The following GABRB2 variants were observed in gnomAD, a reference collection of about 807,000 sequenced individuals.
The protein encoded by GABRB2 is gamma-aminobutyric acid receptor subunit beta-2.
A neutral mutation model predicts 54.7 loss-of-function variants in GABRB2; 16 were observed. That is an observed-to-expected ratio of 0.29 (90% CI 0.20 to 0.44). GABRB2 has a LOEUF of 0.44. Among genes scored for constraint, GABRB2 ranks in the 20% least tolerant of loss-of-function variants. The probability of loss-of-function intolerance (pLI) is 1.00; values close to 1 mark genes in which losing one functional copy is unlikely to be tolerated. For missense variants in GABRB2, 355 were observed against 644.0 expected (o/e 0.55, Z 4.86); for synonymous variants, 244 against 233.8 (o/e 1.04, Z -0.40).
chr5:161,304,867 A>G lies in GABRB2; in HGVS notation c.1192-10439T>C, dbSNP rs563412384. On this transcript the variant is annotated intron_variant, in intron 9 of 9. Coordinates refer to ENST00000393959, the MANE Select transcript of GABRB2 (RefSeq NM_001371727.1). ...ATTATTTCTGGGTGCCTCTTATTAT[A>G]AAGTACAGGCTACTAGTTTCAATTA... Among the ~76,000 whole-genome samples, 5 of 152,208 alleles carry G rather than the reference A, an allele frequency of 3.3e-5. No individual in the cohort carries two copies. In the East Asian group the frequency reaches 9.6e-4, roughly 29 times the overall value.
At chr5:161,360,081 T>TA (rs11458201) in intron 5 of GABRB2, among the ~76,000 whole-genome samples, 131,103 of 148,736 alleles carry the variant, frequency 0.88, 57,712 homozygotes, top group East Asian at 0.97. Context: ...AGACTCCGTC[T>TA]AAAAAAAAAA....
chr5:161,298,270 T>A (rs562088355), intron 9 of GABRB2, among the ~76,000 whole-genome samples: 11 of 152,352 alleles, frequency 7.2e-5, no homozygotes, highest in African/African-American at 1.9e-4. Flanking sequence ...GTGCAGAAGC[T>A]CTTTAGTTTA....
rs914961180 is a variant in GABRB2 at position 161,442,736 on chromosome 5, T to C, written c.458+16888A>G. Among the ~76,000 whole-genome samples the C allele has an allele frequency of 3.9e-5, 6 of 152,008 alleles. No homozygotes were observed. In the East Asian group the frequency reaches 1.2e-3, roughly 29 times the overall value. On this transcript the variant is annotated intron_variant, in intron 4 of 9. Transcript: ENST00000393959. ...TTTACCCTGCCATTGCATTCCCTCATTCCCTTTTCAATTCTCTCTCTCTCT... is the reference window on the plus strand; with the variant it reads ...TTTACCCTGCCATTGCATTCCCTCACTCCCTTTTCAATTCTCTCTCTCTCT...
chr5:161,393,929 A>C (rs1580946075), intron 5 of GABRB2, among the ~76,000 whole-genome samples: 1 of 152,104 alleles, frequency 6.6e-6, no homozygotes, highest in African/African-American at 2.4e-5. Flanking sequence ...AGTATTAATA[A>C]CCTTCAACTG....
chr5:161,485,680 C>T (rs114878984), intron 3 of GABRB2, among the ~76,000 whole-genome samples: 1,730 of 152,068 alleles, frequency 0.011, 20 homozygotes, highest in Middle Eastern at 0.027. Context: ...CCTACCCCTT[C>T]TAAGGTGTTC....
At chr5:161,365,674 T>C (rs901160390) in intron 5 of GABRB2, among the ~76,000 whole-genome samples, 1 of 152,160 alleles carries the variant, frequency 6.6e-6, no homozygotes, top group African/African-American at 2.4e-5. Flanking sequence ...ATGGAGAGGT[T>C]AAGATATCTG....
intron 5 of GABRB2, among the ~76,000 whole-genome samples, chr5:161,401,927 A>T (rs1438841788): frequency 6.6e-6 from 1 of 152,152 alleles, no homozygotes; most frequent in African/African-American, 2.4e-5. Context: ...CCAGTACGGC[A>T]GCCACTTGTT....
chr5:161,445,762 C>A (rs1448115729), intron 4 of GABRB2, among the ~76,000 whole-genome samples: 1 of 152,070 alleles, frequency 6.6e-6, no homozygotes, highest in East Asian at 1.9e-4. Flanking sequence ...GAAAGCCTCC[C>A]GCTGCCCCAC....
chr5:161,409,735 T>C (rs1032663614), intron 5 of GABRB2, among the ~76,000 whole-genome samples: 58 of 152,298 alleles, frequency 3.8e-4, no homozygotes, highest in African/African-American at 1.3e-3. Context: ...ATTTGAACTT[T>C]GTGAAACATT....
intron 3 of GABRB2, among the ~76,000 whole-genome samples, chr5:161,523,765 C>A: frequency 6.6e-6 from 1 of 151,482 alleles, no homozygotes; most frequent in East Asian, 1.9e-4. Context: ...TCTATTGTCA[C>A]CTCCATTGCT....
intron 5 of GABRB2, among the ~76,000 whole-genome samples, chr5:161,406,528 A>G (rs944203768): frequency 6.6e-6 from 1 of 152,042 alleles, no homozygotes; most frequent in Non-Finnish European, 1.5e-5. Flanking sequence ...TTATAGTAAT[A>G]ATAATTATTA....
intron 3 of GABRB2, among the ~76,000 whole-genome samples, chr5:161,516,713 C>T (rs1486770235): frequency 2.0e-5 from 3 of 152,132 alleles, no homozygotes; most frequent in Non-Finnish European, 4.4e-5. Flanking sequence ...CTGTCTGGCA[C>T]ATTTCACCAA....
chr5:161,537,578 T>A (rs1374412059), intron 3 of GABRB2, among the ~76,000 whole-genome samples: 1 of 152,064 alleles, frequency 6.6e-6, no homozygotes, highest in Non-Finnish European at 1.5e-5. Context: ...TTATATCTTC[T>A]TTTTTTGCAT....
intron 7 of GABRB2, among the ~76,000 whole-genome samples, chr5:161,334,535 T>C (rs1011612114): frequency 6.6e-6 from 1 of 152,190 alleles, no homozygotes; most frequent in Non-Finnish European, 1.5e-5. Context: ...TCAACAGATA[T>C]ACGGTTAACT....
At chr5:161,313,347 G>T (rs572469395) in intron 9 of GABRB2, among the ~76,000 whole-genome samples, 14 of 152,036 alleles carry the variant, frequency 9.2e-5, no homozygotes, top group African/African-American at 3.4e-4. Context: ...TGGTTGGACT[G>T]AGCAGCTCTT....
chr5:161,527,742 G>A (rs150855384), intron 3 of GABRB2, among the ~76,000 whole-genome samples: 2 of 151,678 alleles, frequency 1.3e-5, no homozygotes, highest in South Asian at 2.1e-4. Context: ...TAGTTAACTG[G>A]CAATAAAATT....
At chr5:161,318,764 A>C (rs1296664201) in intron 9 of GABRB2, among the ~76,000 whole-genome samples, 1 of 152,038 alleles carries the variant, frequency 6.6e-6, no homozygotes, top group Non-Finnish European at 1.5e-5. Context: ...AATAAAACCC[A>C]TTGGTTTCCA....
Position 161,545,210 on chromosome 5 carries a change from T to C in GABRB2, c.237+17A>G. ...ACGAAAGTTTGCAAAGAAGTAGTCA[T>C]AAATGTCAATACTCACCATATTGAC... On this transcript the variant is annotated intron_variant, in intron 3 of 9. Coordinates refer to ENST00000393959, the MANE Select transcript of GABRB2 (RefSeq NM_001371727.1). 2.5e-6 allele frequency: 4 copies of C among 1,581,844 alleles called. No homozygotes were observed. The highest frequency in any genetic ancestry group is 3.4e-6 in the Non-Finnish European group (4 of 1,163,944).
chr5:161,308,694 C>G (rs772213601), intron 9 of GABRB2, among the ~76,000 whole-genome samples: 3 of 152,002 alleles, frequency 2.0e-5, no homozygotes, highest in Non-Finnish European at 4.4e-5. Context: ...AATAGAGGAC[C>G]CAGAAATAAG....
Sources: gnomAD v4.1 joint callset for allele counts (sites outside exome capture counted in the v4.1 genomes callset) on GRCh38, gnomAD v4.1.1 for gene constraint, MANE v1.5 for transcripts, NCBI Gene and HGNC (gene_info 2026-07-23, HGNC 2026-07-21) for gene names.